TMEM169: variants seen among roughly 807,000 people sequenced by gnomAD.
TMEM169 encodes transmembrane protein 169.
A neutral mutation model predicts 27.3 loss-of-function variants in TMEM169; 18 were observed. The observed-to-expected ratio is 0.66, with a 90% CI of 0.46 to 0.98. The LOEUF is 0.98. TMEM169 is among the 50% of genes least tolerant of loss of function. TMEM169 has a pLI of 0.00. For missense variants in TMEM169, 320 were observed against 368.6 expected (o/e 0.87, Z 1.08); for synonymous variants, 136 against 142.1 (o/e 0.96, Z 0.30).
Position 216,100,534 on chromosome 2 carries a change from A to G in TMEM169, c.886A>G (p.Thr296Ala), listed in dbSNP as rs1417646760. 1.2e-6 allele frequency: 2 copies of G among 1,614,036 alleles called. No homozygotes were observed. Among genetic ancestry groups the G allele is most frequent in the South Asian group, 1.1e-5 (1 of 91,070 alleles). Residue 296 changes from threonine to alanine, a missense_variant, in exon 3 of 3, where the codon ACG (threonine) becomes GCG (alanine). Coordinates refer to ENST00000437356, the MANE Select transcript of TMEM169 (RefSeq NM_001142311.2). ...CCCCATCCAAGAAGTAGAAACCTCC[A>G]CGGTCTAAACTCCCAACAACTTACT... ...KDPIQEVETS[T>A]V
Position 216,081,991 on chromosome 2 carries a change from C to T in TMEM169, c.-127+12C>T. The T allele has an allele frequency of 2.1e-6, 1 of 469,440 alleles. No individual in the cohort carries two copies. The highest frequency in any genetic ancestry group is 3.8e-6 in the Non-Finnish European group (1 of 265,776). The allele number at this position is 469,440 out of a possible 1,614,324, so 29.1% of individuals were successfully genotyped here. ...CTGGGCAGGTGTGGGTGAGACTGCT[C>T]GTTCGTTTCTTTAAATTTCGATGCC... On this transcript the variant is annotated intron_variant, in intron 1 of 2. Transcript: ENST00000437356.
chr2:216,089,020 A>G (rs937286135), intron 1 of TMEM169, among the ~76,000 whole-genome samples: 12 of 152,344 alleles, frequency 7.9e-5, no homozygotes, highest in Admixed American at 4.6e-4. Flanking sequence ...AAGGCTGTAT[A>G]TTTTAACAAG....
At chr2:216,096,729 G>T (rs1048022066) in intron 2 of TMEM169, among the ~76,000 whole-genome samples, 2 of 152,156 alleles carry the variant, frequency 1.3e-5, no homozygotes, top group African/African-American at 2.4e-5. Flanking sequence ...TTTTTTTCTA[G>T]ATGATACAGA....
At position 216,099,213 on chromosome 2, in the gene TMEM169, T is replaced by C. The variant is rs914394781; in HGVS notation, c.272-707T>C. The stretch of plus-strand genomic sequence containing the variant: ...TGGCATGTGTGTGGTGTATGTGTTA[T>C]GTATGGTGTTTGGTATATGTGGTGT... On this transcript the variant is annotated intron_variant, in intron 2 of 2. Transcript: ENST00000437356. The surrounding 1 kb of genome is among the most constrained non-coding windows in gnomAD (Gnocchi z 5.0). Among the ~76,000 whole-genome samples the C allele has an allele frequency of 6.6e-6, 1 of 150,696 alleles. No individual in the cohort carries two copies. The highest frequency in any genetic ancestry group is 2.4e-5 in the African/African-American group (1 of 40,938).
intron 1 of TMEM169, among the ~76,000 whole-genome samples, chr2:216,088,438 T>C (rs1418873318): frequency 6.6e-6 from 1 of 152,242 alleles, no homozygotes; most frequent in African/African-American, 2.4e-5. Context: ...CACTCCAGCT[T>C]GGGCGACAGA....
Position 216,100,386 on chromosome 2 carries a change from G to C in TMEM169, c.738G>C (p.Arg246=). The C allele has an allele frequency of 6.2e-7, 1 of 1,613,970 alleles. No individual in the cohort carries two copies. The highest frequency in any genetic ancestry group is 8.5e-7 in the Non-Finnish European group (1 of 1,179,996). ...GGGAAGCATGGTGGCAAGCTGCCCG[G>C]GACATGGAGAAAGGCTTCTGTGGCT... The part of the protein sequence containing the change: ...WSWEAWWQAA[R]DMEKGFCGWL... Residue 246 remains arginine (R), a synonymous_variant, in exon 3 of 3, where the codon CGG becomes CGC. Coordinates refer to ENST00000437356, the MANE Select transcript of TMEM169 (RefSeq NM_001142311.2).
At position 216,099,445 on chromosome 2, in the gene TMEM169, AG is replaced by A. The variant is rs979996306; in HGVS notation, c.272-472del. Among the ~76,000 whole-genome samples, 2 of 151,784 alleles carry A rather than the reference AG, an allele frequency of 1.3e-5. No individual in the cohort carries two copies. The highest frequency in any genetic ancestry group is 2.9e-5 in the Non-Finnish European group (2 of 67,926). ...TGTATGCGTGCAGCCCCTGGATGTG[AG>A]GGCTGGATCAGGCATGTGAGGGGCC... is the stretch of plus-strand genomic sequence containing the variant. On this transcript the variant is annotated intron_variant, in intron 2 of 2. Coordinates refer to ENST00000437356, the MANE Select transcript of TMEM169 (RefSeq NM_001142311.2). This position sits in a 1 kb window ranked among gnomAD's most constrained non-coding sequence, Gnocchi z 5.0.
intron 1 of TMEM169, among the ~76,000 whole-genome samples, chr2:216,090,888 T>C (rs1696105956): frequency 6.6e-6 from 1 of 152,230 alleles, no homozygotes; most frequent in Non-Finnish European, 1.5e-5. Context: ...GATCCCCAAA[T>C]TTAGGAAAAC....
At chr2:216,094,732 G>A (rs2105985279) in intron 1 of TMEM169, among the ~76,000 whole-genome samples, 1 of 152,250 alleles carries the variant, frequency 6.6e-6, no homozygotes, top group African/African-American at 2.4e-5. Flanking sequence ...ATGAGAATCT[G>A]CAAGATAAAT....
chr2:216,098,480 A>G (rs770375637), intron 2 of TMEM169, among the ~76,000 whole-genome samples: 1 of 152,164 alleles, frequency 6.6e-6, no homozygotes, highest in Non-Finnish European at 1.5e-5. Flanking sequence ...TGCTGTGATG[A>G]AGACTGTGAA....
Position 216,100,637 on chromosome 2 carries a change from C to A in TMEM169, c.*95C>A. On this transcript the variant is annotated 3_prime_UTR_variant, in exon 3 of 3. Coordinates refer to ENST00000437356, the MANE Select transcript of TMEM169 (RefSeq NM_001142311.2). ...TTTCTTTAAATTACCCCCTACTCTC[C>A]GCAGTTCTTCTGGGAAATCAGAGTC... 1 of 1,523,954 alleles carries A rather than the reference C, an allele frequency of 6.6e-7. No homozygotes were observed. The highest frequency in any genetic ancestry group is 8.9e-7 in the Non-Finnish European group (1 of 1,121,164). The allele number at this position is 1,523,954 out of a possible 1,614,324, so 94.4% of individuals were successfully genotyped here. A position where few individuals can be genotyped will look rare whatever the true frequency, so the allele number is the denominator to read the frequency against.
intron 1 of TMEM169, among the ~76,000 whole-genome samples, chr2:216,089,081 C>A (rs1018014591): frequency 1.3e-5 from 2 of 151,896 alleles, no homozygotes; most frequent in Non-Finnish European, 2.9e-5. Flanking sequence ...AAGAATCGGG[C>A]CTAGAAAACA....
intron 1 of TMEM169, among the ~76,000 whole-genome samples, chr2:216,084,381 T>C (rs2105977824): frequency 6.6e-6 from 1 of 152,274 alleles, no homozygotes; most frequent in East Asian, 1.9e-4. Context: ...AAGGAGCTTA[T>C]TGATGTCTTT....
intron 1 of TMEM169, among the ~76,000 whole-genome samples, chr2:216,091,579 AG>A (rs1298239962): frequency 3.8e-5 from 2 of 52,036 alleles, no homozygotes; most frequent in Non-Finnish European, 7.6e-5. Context: ...AAAAAAAAAA[AG>A]AGAGAGACCC....
Position 216,100,353 on chromosome 2 carries a change from G to A in TMEM169, c.705G>A (p.Ser235=), listed in dbSNP as rs751238016. 5.2e-5 allele frequency: 84 copies of A among 1,613,764 alleles called. No homozygotes were observed. The highest frequency in any genetic ancestry group is 6.5e-5 in the Non-Finnish European group (77 of 1,180,010). The change falls in exon 3 of 3, where the codon TCG becomes TCA. Residue 235 remains serine, a synonymous_variant. Coordinates refer to ENST00000437356, the MANE Select transcript of TMEM169 (RefSeq NM_001142311.2). The part of the protein sequence containing the change: ...LGLYAAVVQL[S]WSWEAWWQAA... ...TCTACGCTGCTGTGGTCCAGCTCTCGTGGTCCTGGGAAGCATGGTGGCAAG... is the reference window on the plus strand; with the variant it reads ...TCTACGCTGCTGTGGTCCAGCTCTCATGGTCCTGGGAAGCATGGTGGCAAG...
At chr2:216,098,260 A>T (rs1696305920) in intron 2 of TMEM169, among the ~76,000 whole-genome samples, 1 of 152,226 alleles carries the variant, frequency 6.6e-6, no homozygotes. Context: ...CTGGATGCTG[A>T]TGGGAGACTA....
rs1277740024 is a variant in TMEM169 at position 216,100,218 on chromosome 2, C to A, written c.570C>A (p.Ile190=). 1 of 1,613,792 alleles carries A rather than the reference C, an allele frequency of 6.2e-7. No individual in the cohort carries two copies. The highest frequency in any genetic ancestry group is 1.7e-5 in the Admixed American group (1 of 59,940). The change falls in exon 3 of 3, where the codon ATC becomes ATA. Residue 190 remains isoleucine, a synonymous_variant. Transcript: ENST00000437356. ...ACGGCACTATCACCTGGTACAACATCTTCCTCGTGTATAATGAGGAAAGGA... is the reference window on the plus strand; with the variant it reads ...ACGGCACTATCACCTGGTACAACATATTCCTCGTGTATAATGAGGAAAGGA... ...FYYGTITWYN[I]FLVYNEERTF... is the part of the protein sequence containing the mutation.
chr2:216,097,127 C>G (rs1696281113), intron 2 of TMEM169, among the ~76,000 whole-genome samples: 1 of 152,104 alleles, frequency 6.6e-6, no homozygotes. Context: ...ACCTCATGAC[C>G]CAGAAATTCT....
chr2:216,084,502 C>T (rs898614796), intron 1 of TMEM169, among the ~76,000 whole-genome samples: 3 of 152,176 alleles, frequency 2.0e-5, no homozygotes, highest in African/African-American at 7.2e-5. Context: ...ATTTGTTGGC[C>T]TACTTCTATG....
Sources: allele counts gnomAD v4.1 joint callset (sites outside exome capture counted in the v4.1 genomes callset), GRCh38; gene constraint gnomAD v4.1.1; non-coding constraint Gnocchi (gnomAD v3.1); transcripts MANE v1.5; gene names NCBI Gene and HGNC (gene_info 2026-07-23, HGNC 2026-07-21).